The following LPP variants were observed in gnomAD, a reference collection of about 807,000 sequenced individuals.
LPP encodes lipoma-preferred partner.
Under a neutral mutation model 60.4 loss-of-function variants are expected in LPP, and 38 were observed. The observed-to-expected ratio is 0.63, with a 90% CI of 0.49 to 0.83. LPP has a LOEUF of 0.83. Ranked by LOEUF, LPP falls within the 40% of genes least tolerant of loss-of-function variation. The pLI is 0.00. For synonymous variants in LPP, 328 were observed against 290.8 expected (o/e 1.13, Z -1.30); for missense variants, 902 against 783.6 (o/e 1.15, Z -1.80).
At chr3:188,684,508 C>T (rs143338536) in intron 7 of LPP, among the ~76,000 whole-genome samples, 2 of 152,264 alleles carry the variant, frequency 1.3e-5, no homozygotes, top group African/African-American at 4.8e-5. Context: ...TGAGTCAGGT[C>T]CTTCACTGAT....
intron 5 of LPP, among the ~76,000 whole-genome samples, chr3:188,506,947 A>G (rs1335173257): frequency 2.0e-5 from 3 of 151,934 alleles, no homozygotes; most frequent in South Asian, 4.2e-4. Flanking sequence ...ACAGGCGCCC[A>G]CCACCACACC....
chr3:188,709,104 G>A (rs1272782113), intron 8 of LPP: 1 of 151,734 alleles, frequency 6.6e-6, no homozygotes, highest in African/African-American at 2.4e-5. Flanking sequence ...TTTCTTTGTA[G>A]TTTTAATTTT....
At chr3:188,211,964 T>TA (rs1289990007) in intron 1 of LPP, among the ~76,000 whole-genome samples, 1 of 152,148 alleles carries the variant, frequency 6.6e-6, no homozygotes, top group Admixed American at 6.5e-5. Flanking sequence ...GTTCAAGTGA[T>TA]ACTCCTGCCT....
In LPP at chr3:188,760,271, C is replaced by G. The variant is rs750856382; in HGVS notation, c.1399C>G (p.Pro467Ala). Reference protein sequence around the residue: ...YAVEKKAYCEPCYINTLEQCN... With the variant: ...YAVEKKAYCEACYINTLEQCN... ...TGTGGAAAAGAAAGCATACTGCGAG[C>G]CCTGCTACATTGTAAGTTCCAGATT... is the stretch of plus-strand genomic sequence containing the variant. The change falls in exon 9 of 12, where the codon CCC becomes GCC. Residue 467 changes from proline (P) to alanine (A), a missense_variant. Coordinates refer to ENST00000617246, the MANE Select transcript of LPP (RefSeq NM_001375462.1). 1.1e-5 allele frequency: 18 copies of G among 1,614,018 alleles called. No individual in the cohort carries two copies. The highest frequency in any genetic ancestry group is 1.5e-5 in the Non-Finnish European group (18 of 1,179,962).
At chr3:188,635,470 G>A (rs1196716622) in intron 7 of LPP, among the ~76,000 whole-genome samples, 3 of 152,176 alleles carry the variant, frequency 2.0e-5, no homozygotes, top group Non-Finnish European at 2.9e-5. Context: ...GGCTTATTCA[G>A]ATTATTTTGA....
intron 6 of LPP, among the ~76,000 whole-genome samples, chr3:188,532,916 G>A (rs542757639): frequency 2.0e-5 from 3 of 152,188 alleles, no homozygotes; most frequent in South Asian, 4.2e-4. Context: ...TCCTATAAAC[G>A]ATATATTTAA....
At chr3:188,290,028 G>A (rs1269243070) in intron 2 of LPP, among the ~76,000 whole-genome samples, 3 of 151,566 alleles carry the variant, frequency 2.0e-5, no homozygotes, top group East Asian at 3.9e-4. Context: ...TTACCCTATC[G>A]CCCAGGATGG....
intron 5 of LPP, among the ~76,000 whole-genome samples, chr3:188,507,535 T>C (rs1223819979): frequency 6.6e-6 from 1 of 152,108 alleles, no homozygotes; most frequent in African/African-American, 2.4e-5. Flanking sequence ...GTTTTTCTCT[T>C]GATGAAACCT....
At chr3:188,849,476 G>A (rs565097611) in intron 9 of LPP, among the ~76,000 whole-genome samples, 1 of 152,230 alleles carries the variant, frequency 6.6e-6, no homozygotes, top group African/African-American at 2.4e-5. Context: ...ATAAAGATGT[G>A]ATTTTTAATT....
intron 1 of LPP, among the ~76,000 whole-genome samples, chr3:188,222,571 T>C (rs1055802172): frequency 1.3e-5 from 2 of 152,342 alleles, no homozygotes; most frequent in Admixed American, 6.5e-5. Flanking sequence ...GCACTCCTGA[T>C]GGCTTCTAGA....
chr3:188,607,116 G>GACACACACAC (rs34057522), intron 6 of LPP, among the ~76,000 whole-genome samples: 10 of 129,562 alleles, frequency 7.7e-5, no homozygotes, highest in Non-Finnish European at 1.3e-4. Flanking sequence ...TCTTGGTGAA[G>GACACACACAC]ACACACACAC....
At chr3:188,259,124 T>C (rs1732689895) in intron 2 of LPP, among the ~76,000 whole-genome samples, 1 of 152,178 alleles carries the variant, frequency 6.6e-6, no homozygotes, top group Non-Finnish European at 1.5e-5. Flanking sequence ...CTCCAGAACA[T>C]ACTATGGCTT....
chr3:188,437,655 A>G (rs1792690158), intron 4 of LPP, among the ~76,000 whole-genome samples: 1 of 152,228 alleles, frequency 6.6e-6, no homozygotes, highest in Non-Finnish European at 1.5e-5. Flanking sequence ...ACAGAATAAG[A>G]ATTCCCCACC....
intron 8 of LPP, among the ~76,000 whole-genome samples, chr3:188,728,800 A>G (rs945709449): frequency 6.6e-6 from 1 of 152,090 alleles, no homozygotes; most frequent in Non-Finnish European, 1.5e-5. Context: ...GTTTAAGTAA[A>G]TATTTATGCA....
intron 6 of LPP, among the ~76,000 whole-genome samples, chr3:188,574,874 G>A (rs1219068238): frequency 6.6e-6 from 1 of 151,972 alleles, no homozygotes; most frequent in Non-Finnish European, 1.5e-5. Context: ...CCTTCAAACT[G>A]CTCACTTTTT....
At chr3:188,592,562 T>TTTTTTTTTTTTTTTTTTTTTTTTG (rs1560607436) in intron 6 of LPP, among the ~76,000 whole-genome samples, 2 of 53,746 alleles carry the variant, frequency 3.7e-5, no homozygotes, top group South Asian at 9.6e-4. Context: ...TTTTTGTTTT[T>TTTTTTTTTTTTTTTTTTTTTTTTG]TAAATGGAGT....
intron 6 of LPP, among the ~76,000 whole-genome samples, chr3:188,570,954 G>A (rs1833400850): frequency 6.6e-6 from 1 of 152,012 alleles, no homozygotes; most frequent in South Asian, 2.1e-4. Context: ...ATATAATCAG[G>A]AGGAAGAATT....
At chr3:188,303,446 T>C (rs1018525580) in intron 2 of LPP, among the ~76,000 whole-genome samples, 4 of 152,184 alleles carry the variant, frequency 2.6e-5, no homozygotes, top group Non-Finnish European at 4.4e-5. Flanking sequence ...AATGAACTTA[T>C]AAATGAATGA....
At chr3:188,674,612 A>T (rs1857611540) in intron 7 of LPP, among the ~76,000 whole-genome samples, 1 of 152,200 alleles carries the variant, frequency 6.6e-6, no homozygotes, top group Admixed American at 6.5e-5. Context: ...TTATGTAAGT[A>T]CCTACTTTTC....
Sources: gnomAD v4.1 joint callset for allele counts (sites outside exome capture counted in the v4.1 genomes callset) on GRCh38, gnomAD v4.1.1 for gene constraint, MANE v1.5 for transcripts, NCBI Gene and HGNC (gene_info 2026-07-23, HGNC 2026-07-21) for gene names.